Variants in KCNQ1 observed in about 807,000 individuals in gnomAD.
KCNQ1 encodes potassium voltage-gated channel subfamily Q member 1, also known as potassium voltage-gated channel subfamily KQT member 1.
A neutral mutation model predicts 72.4 loss-of-function variants in KCNQ1; 49 were observed. That is an observed-to-expected ratio of 0.68 (90% CI 0.54 to 0.86). The LOEUF (loss-of-function observed/expected upper bound fraction) is 0.86. KCNQ1 is among the 40% of genes least tolerant of loss of function. KCNQ1 has a pLI of 0.00. For synonymous variants in KCNQ1, 450 were observed against 412.6 expected (o/e 1.09, Z -1.10); for missense variants, 790 against 945.1 (o/e 0.84, Z 2.15).
intron 10 of KCNQ1, chr11:2,631,325 C>T: frequency 2.5e-6 from 1 of 398,518 alleles, no homozygotes; most frequent in Non-Finnish European, 4.4e-6. Context: ...AATTTATCCT[C>T]CAGTTGATGA....
At position 2,768,892 on chromosome 11, in the gene KCNQ1, G is replaced by A. The variant is rs1468372406; in HGVS notation, c.1563G>A (p.Gln521=). ...CCATTAAGGTCATTCGACGCATGCA[G>A]TACTTTGTGGCCAAGAAGAAATTCC... ...RATIKVIRRM[Q]YFVAKKKFQQ... Residue 521 remains glutamine (Q), a synonymous_variant, in exon 12 of 16, where the codon CAG becomes CAA. Transcript: ENST00000155840. The surrounding 1 kb of genome is among the most constrained non-coding windows in gnomAD (Gnocchi z 6.7). The A allele has an allele frequency of 1.9e-6, 3 of 1,614,016 alleles. No homozygotes were observed. The highest frequency in any genetic ancestry group is 3.3e-5 in the Admixed American group (2 of 60,022).
chr11:2,588,622 C>T lies in KCNQ1; in HGVS notation c.1252-91C>T. The T allele has an allele frequency of 2.6e-6, 4 of 1,524,830 alleles. No individual in the cohort carries two copies. The highest frequency in any genetic ancestry group is 3.6e-6 in the Non-Finnish European group (4 of 1,112,374). 94.5% of individuals were successfully genotyped at this position (1,524,830 alleles called of 1,614,324 possible). A position where few individuals can be genotyped will look rare whatever the true frequency, so the allele number is the denominator to read the frequency against. On this transcript the variant is annotated intron_variant, in intron 9 of 15. Transcript: ENST00000155840. The surrounding 1 kb of genome is among the most constrained non-coding windows in gnomAD (Gnocchi z 5.6). The stretch of plus-strand genomic sequence containing the variant: ...CCGGGTGTATGTGGCGGGGGCTGGG[C>T]TCGGGGCGGCTGCACAGGCACTCTG...
Position 2,673,981 on chromosome 11 carries a change from G to A in KCNQ1, c.1514+11900G>A. On this transcript the variant is annotated intron_variant, in intron 11 of 15. Coordinates refer to ENST00000155840, the MANE Select transcript of KCNQ1 (RefSeq NM_000218.3). The surrounding 1 kb of genome is among the most constrained non-coding windows in gnomAD (Gnocchi z 4.5). ...GCCACAAGGGGATGCCCAGCATTGG[G>A]GGTGGGGTGGGGGGAGGGCCCTCCG... The A allele has an allele frequency of 5.3e-6, 1 of 190,284 alleles. No homozygotes were observed. 11.8% of individuals were successfully genotyped at this position (190,284 alleles called of 1,614,324 possible). A position where few individuals can be genotyped will look rare whatever the true frequency, so the allele number is the denominator to read the frequency against.
intron 15 of KCNQ1, 23 bp downstream of exon 15, chr11:2,778,060 G>A (rs375476720): frequency 1.4e-5 from 23 of 1,611,812 alleles, no homozygotes; most frequent in African/African-American, 4.0e-5. Context: ...GCCGGCCTGC[G>A]GTGGTTCTGG....
rs914460959 is a variant in KCNQ1, at chr11:2,527,978, A to G, written c.437A>G (p.Glu146Gly). ...CLIFSVLSTI[E>G]QYAALATGTL... ...ATCTTCAGCGTGCTGTCCACCATCGAGCAGTATGCCGCCCTGGCCACGGGG... is the reference window on the plus strand; with the variant it reads ...ATCTTCAGCGTGCTGTCCACCATCGGGCAGTATGCCGCCCTGGCCACGGGG... Residue 146 changes from glutamate to glycine, a missense_variant, in exon 2 of 16, where the codon GAG (glutamate) becomes GGG (glycine). Coordinates refer to ENST00000155840, the MANE Select transcript of KCNQ1 (RefSeq NM_000218.3). The G allele has an allele frequency of 1.9e-6, 3 of 1,613,882 alleles. No homozygotes were observed. The highest frequency in any genetic ancestry group is 2.7e-5 in the African/African-American group (2 of 74,896).
intron 11 of KCNQ1, among the ~76,000 whole-genome samples, chr11:2,707,500 C>G (rs1035527833): frequency 1.1e-4 from 16 of 152,094 alleles, no homozygotes; most frequent in Admixed American, 9.2e-4. Context: ...TTACTCCTAG[C>G]TGGTGTTCTG....
chr11:2,617,208 G>C lies in KCNQ1; in HGVS notation c.1393+28354G>C, dbSNP rs1005600920. 6 of 398,024 alleles carry C rather than the reference G, an allele frequency of 1.5e-5. No individual in the cohort carries two copies. The highest frequency in any genetic ancestry group is 1.8e-5 in the Non-Finnish European group (4 of 225,854). The allele number at this position is 398,024 out of a possible 1,614,324, so 24.7% of individuals were successfully genotyped here. On this transcript the variant is annotated intron_variant, in intron 10 of 15. Transcript: ENST00000155840. This position sits in a 1 kb window ranked among gnomAD's most constrained non-coding sequence, Gnocchi z 4.6. ...ATATATCTGCTACTTGGTATCCTTT[G>C]ACCTACATCTTTCCATTTTCTTCCC...
intron 6 of KCNQ1, among the ~76,000 whole-genome samples, chr11:2,583,000 C>T (rs1848525721): frequency 6.6e-6 from 1 of 152,122 alleles, no homozygotes; most frequent in South Asian, 2.1e-4. Context: ...CAGGAAGCAG[C>T]GCGTCATCCC....
At chr11:2,757,035 C>T (rs1481438167) in intron 11 of KCNQ1, among the ~76,000 whole-genome samples, 1 of 145,952 alleles carries the variant, frequency 6.9e-6, no homozygotes, top group African/African-American at 2.5e-5. Flanking sequence ...TACTTTCCCC[C>T]TAAAATAAAA....
intron 1 of KCNQ1, among the ~76,000 whole-genome samples, chr11:2,512,253 C>G (rs959944561): frequency 3.9e-5 from 6 of 152,196 alleles, no homozygotes; most frequent in Non-Finnish European, 8.8e-5. Context: ...CAGGGCCCTA[C>G]GGGTGCTGGA....
intron 15 of KCNQ1, among the ~76,000 whole-genome samples, chr11:2,779,344 G>T (rs888615623): frequency 1.2e-4 from 19 of 152,298 alleles, no homozygotes; most frequent in Non-Finnish European, 2.6e-4. Flanking sequence ...GGCACACCCA[G>T]TACAGCAGGG....
intron 11 of KCNQ1, among the ~76,000 whole-genome samples, chr11:2,717,785 C>T (rs1207521900): frequency 2.0e-5 from 3 of 152,224 alleles, no homozygotes; most frequent in African/African-American, 7.2e-5. Context: ...GACAGGAAAG[C>T]AGCTCACAGC....
chr11:2,496,646 G>T (rs1846926450), intron 1 of KCNQ1, among the ~76,000 whole-genome samples: 1 of 151,908 alleles, frequency 6.6e-6, no homozygotes, highest in African/African-American at 2.4e-5. Flanking sequence ...CAGTTTGCCA[G>T]TCTGTGTCTT....
At chr11:2,788,594 G>A (rs1846957899) in intron 15 of KCNQ1, among the ~76,000 whole-genome samples, 1 of 150,358 alleles carries the variant, frequency 6.7e-6, no homozygotes, top group Non-Finnish European at 1.5e-5. Flanking sequence ...CTCTGCTGCT[G>A]GGCTGCTCTT....
Position 2,676,319 on chromosome 11 carries a change from G to C in KCNQ1, c.1514+14238G>C, listed in dbSNP as rs144933938. Reference sequence around the variant, plus strand: ...ACACGTGTGAACAGGTGATGGCTCTGAACAGTGTAGTTGAAGTGCTGTTTT... The same window carrying C: ...ACACGTGTGAACAGGTGATGGCTCTCAACAGTGTAGTTGAAGTGCTGTTTT... On this transcript the variant is annotated intron_variant, in intron 11 of 15. Transcript: ENST00000155840. This position sits in a 1 kb window ranked among gnomAD's most constrained non-coding sequence, Gnocchi z 4.2. 7.5e-6 allele frequency: 3 copies of C among 398,636 alleles called. No individual in the cohort carries two copies. Among genetic ancestry groups the C allele is most frequent in the Admixed American group, 4.4e-5 (1 of 22,738 alleles). The allele number at this position is 398,636 out of a possible 1,614,324, so 24.7% of individuals were successfully genotyped here.
intron 2 of KCNQ1, among the ~76,000 whole-genome samples, chr11:2,551,583 AT>A (rs1656700127): frequency 6.6e-6 from 1 of 152,198 alleles, no homozygotes; most frequent in South Asian, 2.1e-4. Context: ...TTTTTGAGTA[AT>A]CATATGTCTT....
At position 2,462,476 on chromosome 11, in the gene KCNQ1, T is replaced by G. The variant is rs182633808; in HGVS notation, c.386+16992T>G. Among the ~76,000 whole-genome samples the G allele has an allele frequency of 1.3e-5, 2 of 152,310 alleles. No individual in the cohort carries two copies. Among genetic ancestry groups the G allele is most frequent in the Admixed American group, 1.3e-4 (2 of 15,306 alleles). On this transcript the variant is annotated intron_variant, in intron 1 of 15. Transcript: ENST00000155840. This position sits in a 1 kb window ranked among gnomAD's most constrained non-coding sequence, Gnocchi z 8.2. ...TTCCTGGCATGACGGGAACCACCTG[T>G]GACATTGCCACCACCTCGCTGTAAT... is the stretch of plus-strand genomic sequence containing the variant.
At chr11:2,532,212 C>T (rs981645420) in intron 2 of KCNQ1, among the ~76,000 whole-genome samples, 1 of 152,186 alleles carries the variant, frequency 6.6e-6, no homozygotes, top group African/African-American at 2.4e-5. Flanking sequence ...GGCCATTCCA[C>T]ACTCCCTGAG....
intron 10 of KCNQ1, chr11:2,619,719 T>TA: frequency 2.5e-6 from 1 of 398,428 alleles, no homozygotes; most frequent in South Asian, 1.3e-4. Context: ...TGCATTTTTT[T>TA]TTTTTTGGAA....
Sources: gnomAD v4.1 joint callset for allele counts (sites outside exome capture counted in the v4.1 genomes callset) on GRCh38, gnomAD v4.1.1 for gene constraint, Gnocchi (gnomAD v3.1) non-coding constraint, MANE v1.5 for transcripts, NCBI Gene and HGNC (gene_info 2026-07-23, HGNC 2026-07-21) for gene names.